LRMDA: variants seen among roughly 807,000 people sequenced by gnomAD.
LRMDA encodes the protein leucine-rich melanocyte differentiation-associated protein.
LRMDA carries 18 observed loss-of-function variants against 29.8 expected under a neutral mutation model. That is an observed-to-expected ratio of 0.60 (90% CI 0.42 to 0.90). The LOEUF is 0.90. Among genes scored for constraint, LRMDA ranks in the 40% least tolerant of loss-of-function variants. The pLI is 0.00. For synonymous variants in LRMDA, 125 were observed against 109.4 expected, an observed-to-expected ratio of 1.14 and a Z score of -0.89; for missense variants, 273 against 273.9, an observed-to-expected ratio of 1.00 and a Z score of 0.02.
chr10:76,507,757 T>C (rs1842973531), intron 6 of LRMDA, among the ~76,000 whole-genome samples: 1 of 152,142 alleles, frequency 6.6e-6, no homozygotes, highest in African/African-American at 2.4e-5. Context: ...AGACTATCCT[T>C]TCCCCAGTGT....
chr10:76,037,682 A>C (rs1848274657), intron 3 of LRMDA, among the ~76,000 whole-genome samples: 1 of 152,178 alleles, frequency 6.6e-6, no homozygotes, highest in Admixed American at 6.5e-5. Context: ...CATAGCAGAG[A>C]GAGAGGAAGC....
In LRMDA at chr10:76,156,815, G is replaced by A. The variant is rs560060450; in HGVS notation, c.516+98032G>A. On this transcript the variant is annotated intron_variant, in intron 5 of 6. Transcript: ENST00000611255. ...ATGATGGGACATTTATAGGAGAGCA[G>A]GTAAGATCAGATTTCTTCCAAGATA... 3.3e-5 allele frequency among the ~76,000 whole-genome samples: 5 copies of A among 152,302 alleles called. No individual in the cohort carries two copies. In the South Asian group the frequency reaches 1.0e-3, roughly 32 times the overall value.
chr10:75,809,374 T>C (rs371614978), intron 2 of LRMDA, among the ~76,000 whole-genome samples: 1 of 152,218 alleles, frequency 6.6e-6, no homozygotes, highest in Non-Finnish European at 1.5e-5. Context: ...CCAGGTGCAG[T>C]GGCTCATGCC....
At chr10:75,890,060 C>G (rs889266575) in intron 2 of LRMDA, among the ~76,000 whole-genome samples, 2 of 152,134 alleles carry the variant, frequency 1.3e-5, no homozygotes, top group African/African-American at 4.8e-5. Flanking sequence ...CTGATGCAAC[C>G]CAGCTCAGGC....
intron 2 of LRMDA, among the ~76,000 whole-genome samples, chr10:75,751,164 A>G (rs1842963593): frequency 6.6e-6 from 1 of 152,132 alleles, no homozygotes; most frequent in Non-Finnish European, 1.5e-5. Context: ...AAAATACAAA[A>G]ACCAGTCAGG....
chr10:76,085,134 T>G (rs564793838), intron 5 of LRMDA, among the ~76,000 whole-genome samples: 23 of 152,242 alleles, frequency 1.5e-4, no homozygotes, highest in Admixed American at 2.6e-4. Context: ...TATATCTGTA[T>G]TTTCCCCTAA....
At chr10:76,169,191 G>C (rs1850791633) in intron 5 of LRMDA, among the ~76,000 whole-genome samples, 1 of 152,138 alleles carries the variant, frequency 6.6e-6, no homozygotes, top group Non-Finnish European at 1.5e-5. Context: ...TTGCTGATAG[G>C]ATTCTTCGGC....
chr10:75,655,420 C>G (rs1310228504), intron 2 of LRMDA, among the ~76,000 whole-genome samples: 1 of 152,232 alleles, frequency 6.6e-6, no homozygotes, highest in East Asian at 1.9e-4. Context: ...GTTCCCTTGG[C>G]AGGTGCCTTG....
At chr10:76,448,342 A>G (rs1842373029) in intron 6 of LRMDA, among the ~76,000 whole-genome samples, 1 of 152,182 alleles carries the variant, frequency 6.6e-6, no homozygotes, top group Non-Finnish European at 1.5e-5. Context: ...GTACTATAAA[A>G]ACATAAATCA....
In LRMDA at chr10:76,365,107, T is replaced by TATATATATATATATATATACACAC. The variant is rs141131236; in HGVS notation, c.601+40623_601+40624insTATATATATATATATATACACACA. ...ACACATATATATATATATATATATA[T>TATATATATATATATATATACACAC]ACACACACACACATACACACCACAG... On this transcript the variant is annotated intron_variant, in intron 6 of 6. Coordinates refer to ENST00000611255, the MANE Select transcript of LRMDA (RefSeq NM_001305581.2). Among the ~76,000 whole-genome samples the TATATATATATATATATATACACAC allele has an allele frequency of 2.4e-3, 148 of 61,160 alleles. 2 individuals carry two copies. Among genetic ancestry groups the TATATATATATATATATATACACAC allele is most frequent in the African/African-American group, 3.8e-3 (82 of 21,482 alleles). 40.1% of individuals were successfully genotyped at this position (61,160 alleles called of 152,430 possible).
intron 6 of LRMDA, among the ~76,000 whole-genome samples, chr10:76,535,086 G>A (rs562915200): frequency 1.2e-4 from 19 of 152,268 alleles, no homozygotes; most frequent in East Asian, 7.7e-4. Flanking sequence ...ATACACTGCC[G>A]TATCCCTAGC....
At chr10:76,425,214 C>T (rs1842111616) in intron 6 of LRMDA, among the ~76,000 whole-genome samples, 1 of 151,988 alleles carries the variant, frequency 6.6e-6, no homozygotes, top group Non-Finnish European at 1.5e-5. Flanking sequence ...ATTTCCAACT[C>T]AGAAAAAAAG....
At chr10:76,260,039 T>C (rs1839913312) in intron 5 of LRMDA, among the ~76,000 whole-genome samples, 1 of 152,052 alleles carries the variant, frequency 6.6e-6, no homozygotes, top group African/African-American at 2.4e-5. Context: ...ATTCATCCTG[T>C]CTATGTTTTT....
At chr10:76,260,195 T>G (rs183819720) in intron 5 of LRMDA, among the ~76,000 whole-genome samples, 5 of 152,282 alleles carry the variant, frequency 3.3e-5, no homozygotes, top group Admixed American at 2.6e-4. Flanking sequence ...GACTTAGATG[T>G]TCCCTGTAGT....
At chr10:76,473,760 A>G (rs1459515401) in intron 6 of LRMDA, among the ~76,000 whole-genome samples, 1 of 151,748 alleles carries the variant, frequency 6.6e-6, no homozygotes, top group African/African-American at 2.4e-5. Flanking sequence ...TCAAAAGAGT[A>G]AAAGACTTAG....
At position 76,131,170 on chromosome 10, in the gene LRMDA, G is replaced by A. The variant is rs189458870; in HGVS notation, c.516+72387G>A. Among the ~76,000 whole-genome samples, 6 of 152,114 alleles carry A rather than the reference G, an allele frequency of 3.9e-5. No individual in the cohort carries two copies. In the East Asian group the frequency reaches 5.8e-4, roughly 15 times the overall value. ...CCTTCACCATCTTGGTGCTTCCGCC[G>A]AATTGGCTGACTCCTGCTTGTCACA... On this transcript the variant is annotated intron_variant, in intron 5 of 6. Transcript: ENST00000611255.
At chr10:75,618,382 C>CTCTCTATA (rs1338091170) in intron 2 of LRMDA, among the ~76,000 whole-genome samples, 78 of 77,024 alleles carry the variant, frequency 1.0e-3, no homozygotes, top group African/African-American at 3.0e-3. Context: ...CTCTCTCTCT[C>CTCTCTATA]TATATATATA....
At chr10:75,717,912 A>G (rs1219686760) in intron 2 of LRMDA, among the ~76,000 whole-genome samples, 1 of 152,174 alleles carries the variant, frequency 6.6e-6, no homozygotes, top group Non-Finnish European at 1.5e-5. Flanking sequence ...CTTATTGGAC[A>G]TAACATTAAT....
intron 5 of LRMDA, among the ~76,000 whole-genome samples, chr10:76,086,681 G>A (rs946666955): frequency 6.6e-6 from 1 of 152,090 alleles, no homozygotes; most frequent in African/African-American, 2.4e-5. Context: ...TCGTGGAGGG[G>A]CCCGAATGAA....
Sources: allele counts gnomAD v4.1 joint callset (sites outside exome capture counted in the v4.1 genomes callset), GRCh38; gene constraint gnomAD v4.1.1; transcripts MANE v1.5; gene names NCBI Gene and HGNC (gene_info 2026-07-23, HGNC 2026-07-21).